SPON2: variants seen among roughly 807,000 people sequenced by gnomAD.
SPON2 encodes spondin-2.
In SPON2, 32 loss-of-function variants were observed where a neutral mutation model predicts 29.9. That is an observed-to-expected ratio of 1.07 (90% CI 0.81 to 1.44). The LOEUF is 1.44. SPON2 is among the 40% of genes most tolerant of loss of function. The probability of loss-of-function intolerance (pLI) is 0.00; values close to 1 mark genes in which losing one functional copy is unlikely to be tolerated. For synonymous variants in SPON2, 248 were observed against 209.1 expected (o/e 1.19, Z -1.61); for missense variants, 541 against 455.5 (o/e 1.19, Z -1.71).
intron 1 of SPON2, chr4:1,179,680 C>T (rs979196201): frequency 6.6e-6 from 1 of 152,184 alleles, no homozygotes; most frequent in African/African-American, 2.4e-5. Flanking sequence ...CCACCCACCC[C>T]CTCCAGCTCT....
chr4:1,195,296 C>T (rs1728039747), upstream of SPON2, among the ~76,000 whole-genome samples: 1 of 152,172 alleles, frequency 6.6e-6, no homozygotes, highest in South Asian at 2.1e-4. Flanking sequence ...TGTGGCCGGC[C>T]TCGCAGGAAC....
intron 1 of SPON2, among the ~76,000 whole-genome samples, chr4:1,182,846 C>G (rs1238370326): frequency 6.6e-6 from 1 of 151,918 alleles, no homozygotes; most frequent in Non-Finnish European, 1.5e-5. Context: ...TCATCACATA[C>G]AAGGAATTGC....
In SPON2 at chr4:1,202,028, A is replaced by C. The variant is rs1728222373; in HGVS notation, c.-234+5852T>G. Among the ~76,000 whole-genome samples the C allele has an allele frequency of 6.6e-6, 1 of 152,192 alleles. No homozygotes were observed. The highest frequency in any genetic ancestry group is 1.5e-5 in the Non-Finnish European group (1 of 68,040). ...TTTAGCATGTTCACGAAGTTGTGCA[A>C]CCATCCCCACTCATCTCACTCCGGA... is the stretch of plus-strand genomic sequence containing the variant. On this transcript the variant is annotated intron_variant, in intron 1 of 3. Transcript: ENST00000509233. This position sits in a 1 kb window ranked among gnomAD's most constrained non-coding sequence, Gnocchi z 5.4.
At chr4:1,201,432 GC>G in intron 1 of SPON2, 1 of 228,816 alleles carries the variant, frequency 4.4e-6, no homozygotes, top group Non-Finnish European at 9.0e-6. Flanking sequence ...ATCAGGAACA[GC>G]CCCCAAACCA....
Position 1,170,527 on chromosome 4 carries a change from C to CA in SPON2, c.685_686insT (p.Arg229LeufsTer36), listed in dbSNP as rs1727392554. On this transcript the variant is annotated frameshift_variant, in exon 5 of 6. Transcript: ENST00000290902. LOFTEE classifies it high-confidence loss of function. Reference sequence around the variant, plus strand: ...GGCGATGGGAGGCAGGGCCTTCAGCCGCGGGTAGTAGAAGGAGTTGGCCGG... The same window carrying CA: ...GGCGATGGGAGGCAGGGCCTTCAGCCAGCGGGTAGTAGAAGGAGTTGGCCGG... The CA allele has an allele frequency of 6.2e-7, 1 of 1,613,784 alleles. No homozygotes were observed. The highest frequency in any genetic ancestry group is 8.5e-7 in the Non-Finnish European group (1 of 1,179,904).
chr4:1,192,780 C>T (rs1727939052), intron 1 of SPON2, among the ~76,000 whole-genome samples: 1 of 152,180 alleles, frequency 6.6e-6, no homozygotes, highest in Admixed American at 6.5e-5. Flanking sequence ...CCACATACAC[C>T]CCAGGGAGAT....
At chr4:1,171,616 G>T in intron 2 of SPON2, 130 bp from the exon 3 acceptor site, 1 of 1,014,872 alleles carries the variant, frequency 9.9e-7, no homozygotes, top group Non-Finnish European at 1.4e-6. Flanking sequence ...ACGTCGGACC[G>T]TGACACCCTG....
At chr4:1,199,632 A>T (rs1728147415), upstream of SPON2, 1 of 152,264 alleles carries the variant, frequency 6.6e-6, no homozygotes, top group Non-Finnish European at 1.5e-5. The surrounding 1 kb of genome is among the most constrained non-coding windows in gnomAD (Gnocchi z 4.5). Context: ...TCTCTCCCAC[A>T]TGGTGGCTGA....
chr4:1,167,774 G>A lies in SPON2; in HGVS notation c.812-118C>T, dbSNP rs981760712. On this transcript the variant is annotated intron_variant, in intron 5 of 5. Coordinates refer to ENST00000290902, the MANE Select transcript of SPON2 (RefSeq NM_012445.4). ...TCAGAGGCCACGCCCACCCTTCGGG[G>A]GCACTTGCGTTTCTCCGCACAGTCG... 5.2e-6 allele frequency: 6 copies of A among 1,149,358 alleles called. No individual in the cohort carries two copies. In the East Asian group the frequency reaches 1.3e-4, roughly 24 times the overall value. 71.2% of individuals were successfully genotyped at this position (1,149,358 alleles called of 1,614,324 possible). A position where few individuals can be genotyped will look rare whatever the true frequency, so the allele number is the denominator to read the frequency against.
intron 1 of SPON2, among the ~76,000 whole-genome samples, chr4:1,207,139 T>G (rs1728361617): frequency 6.6e-6 from 1 of 151,810 alleles, no homozygotes; most frequent in Non-Finnish European, 1.5e-5. Flanking sequence ...GGGCAGAGGC[T>G]GACCTGGGAC....
intron 4 of SPON2, 172 bp from the exon 5 acceptor site, chr4:1,170,748 G>A: frequency 2.9e-6 from 3 of 1,029,848 alleles, no homozygotes; most frequent in South Asian, 1.4e-5. Flanking sequence ...GCTGGAAACC[G>A]AGGCCAGGAA....
intron 1 of SPON2, among the ~76,000 whole-genome samples, chr4:1,180,385 C>T (rs1025244428): frequency 6.6e-6 from 1 of 152,094 alleles, no homozygotes; most frequent in African/African-American, 2.4e-5. Context: ...TAAACTACAA[C>T]AAACTCTGGG....
Position 1,192,210 on chromosome 4 carries a change from A to G in SPON2, c.-239+2780T>C, listed in dbSNP as rs1407752194. Among the ~76,000 whole-genome samples, 6 of 152,186 alleles carry G rather than the reference A, an allele frequency of 3.9e-5. No individual in the cohort carries two copies. In the South Asian group the frequency reaches 1.0e-3, roughly 26 times the overall value. ...GGGTGACCTCACCAGATGGCCCCAC[A>G]TGCTTTAGCACAGAGATAATCCCTT... On this transcript the variant is annotated intron_variant, in intron 1 of 3. Transcript: ENST00000502483.
chr4:1,175,244 A>T (rs1305257655), upstream of SPON2, among the ~76,000 whole-genome samples: 3 of 152,208 alleles, frequency 2.0e-5, no homozygotes, highest in African/African-American at 7.2e-5. Context: ...GGTCTGGGGC[A>T]TGTTCCTGTG....
At chr4:1,172,097 CCG>C (rs762793499) in intron 1 of SPON2, 23 bp from the exon 2 acceptor site, 2 of 1,600,048 alleles carry the variant, frequency 1.2e-6, no homozygotes, top group Non-Finnish European at 1.7e-6. Flanking sequence ...AGGGGAGCAG[CCG>C]CGCGCTGGCA....
chr4:1,174,517 A>AAAAAAAAAAAAAAAAAAAAAAG (rs1727554011), upstream of SPON2, among the ~76,000 whole-genome samples: 1 of 151,412 alleles, frequency 6.6e-6, no homozygotes, highest in African/African-American at 2.4e-5. Flanking sequence ...AAAACAAAAA[A>AAAAAAAAAAAAAAAAAAAAAAG]CAAAAACAAA....
chr4:1,171,659 C>G (rs1330341766), intron 2 of SPON2, 173 bp from the exon 3 acceptor site: 2 of 789,608 alleles, frequency 2.5e-6, no homozygotes, highest in Non-Finnish European at 2.0e-6. Context: ...CCTGCGCCCT[C>G]CCCGTGAGCG....
At chr4:1,174,486 C>CA (rs59532169), upstream of SPON2, among the ~76,000 whole-genome samples, 621 of 94,144 alleles carry the variant, frequency 6.6e-3, 25 homozygotes, top group African/African-American at 0.016. Flanking sequence ...GACTCCATCT[C>CA]AAAAAAAAAA....
In SPON2 at chr4:1,170,484, C is replaced by CCTTCAT; in HGVS notation, c.728_729insATGAAG (p.Arg243_Leu244insTer). ...TGAAGGCCCTGGGGCTCTGTCGCAG[C>CCTTCAT]CGCACCAGTGTCACCCTGGCGATGG... On this transcript the variant is annotated stop_gained and inframe_insertion, in exon 5 of 6. Coordinates refer to ENST00000290902, the MANE Select transcript of SPON2 (RefSeq NM_012445.4). LOFTEE classifies it high-confidence loss of function. 6 of 1,614,030 alleles carry CCTTCAT rather than the reference C, an allele frequency of 3.7e-6. No homozygotes were observed. Among genetic ancestry groups the CCTTCAT allele is most frequent in the Non-Finnish European group, 5.1e-6 (6 of 1,179,948 alleles).
Sources: gnomAD v4.1 joint callset for allele counts (sites outside exome capture counted in the v4.1 genomes callset) on GRCh38, gnomAD v4.1.1 for gene constraint, Gnocchi (gnomAD v3.1) non-coding constraint, MANE v1.5 for transcripts, NCBI Gene and HGNC (gene_info 2026-07-23, HGNC 2026-07-21) for gene names.